The following BTD variants were observed in gnomAD, a reference collection of about 807,000 sequenced individuals.
BTD encodes the protein biotinidase.
BTD carries 13 observed loss-of-function variants against 17.7 expected under a neutral mutation model. The ratio of observed to expected loss-of-function variants is 0.74; its 90% CI spans 0.48 to 1.17. The LOEUF (loss-of-function observed/expected upper bound fraction) is 1.17, where lower values mean the gene tolerates loss of function less well. Among genes scored for constraint, BTD ranks in the 50% most tolerant of loss-of-function variants. BTD has a pLI of 0.00. For missense variants in BTD, 674 were observed against 650.4 expected, an observed-to-expected ratio of 1.04 and a Z score of -0.39; for synonymous variants, 240 against 245.2, an observed-to-expected ratio of 0.98 and a Z score of 0.20.
chr3:15,703,046 C>T (rs1249114888), intron 3 of BTD, among the ~76,000 whole-genome samples: 1 of 152,106 alleles, frequency 6.6e-6, no homozygotes, highest in African/African-American at 2.4e-5. Flanking sequence ...AAAGGCAGAG[C>T]TAGTATCAAA....
At position 15,639,303 on chromosome 3, in the gene BTD, T is replaced by C. The variant is rs1412140947; in HGVS notation, c.250-2605T>C. 2.0e-5 allele frequency among the ~76,000 whole-genome samples: 3 copies of C among 152,052 alleles called. No individual in the cohort carries two copies. The East Asian group carries it at 5.8e-4, about 29-fold the overall frequency. ...TCTCCATGAAAAACCAAAGTTTTGT[T>C]TTTAATAAAGAAAAATGTCTATCCA... On this transcript the variant is annotated intron_variant, in intron 2 of 3. Transcript: ENST00000643237.
exon 4 of BTD, among the ~76,000 whole-genome samples, chr3:15,710,202 G>A (rs2072052526): frequency 6.6e-6 from 1 of 152,070 alleles, no homozygotes. Context: ...CATGAGTCCT[G>A]TCAGCTTTCC....
At chr3:15,667,105 G>C (rs2066016236) in intron 3 of BTD, 2 of 152,102 alleles carry the variant, frequency 1.3e-5, no homozygotes, top group Admixed American at 1.3e-4. Flanking sequence ...CATATAGATA[G>C]GTTCATTTAA....
At chr3:15,663,150 G>A (rs896708587) in intron 3 of BTD, among the ~76,000 whole-genome samples, 2 of 151,942 alleles carry the variant, frequency 1.3e-5, no homozygotes, top group South Asian at 2.1e-4. Context: ...GGCATGCGCC[G>A]CCATGCCCGG....
rs143561363 is a variant in BTD, at chr3:15,647,915, C to T, written c.*2427C>T. On this transcript the variant is annotated 3_prime_UTR_variant, in exon 4 of 4. Coordinates refer to ENST00000643237, the MANE Select transcript of BTD (RefSeq NM_001370658.1). ...TCTTAGAGAGGAAAAAACCAGGCCT[C>T]CTCACAGACTGCCAAGTCCCAGAGC... 1.1e-3 allele frequency among the ~76,000 whole-genome samples: 167 copies of T among 152,288 alleles called. 2 individuals are homozygous for T. In the East Asian group the frequency reaches 0.029, roughly 27 times the overall value.
exon 4 of BTD, among the ~76,000 whole-genome samples, chr3:15,710,256 T>C (rs1047445085): frequency 2.0e-5 from 3 of 152,230 alleles, no homozygotes; most frequent in Non-Finnish European, 4.4e-5. Flanking sequence ...TATGTATCTT[T>C]AGTTAATACT....
intron 1 of BTD, among the ~76,000 whole-genome samples, chr3:15,622,904 A>G (rs1405069096): frequency 6.6e-6 from 1 of 152,200 alleles, no homozygotes; most frequent in Non-Finnish European, 1.5e-5. Context: ...GTCTGTTTTC[A>G]TGCTGTTAAT....
At chr3:15,602,705 A>G (rs1398274251) in intron 1 of BTD, among the ~76,000 whole-genome samples, 1 of 152,078 alleles carries the variant, frequency 6.6e-6, no homozygotes, top group Admixed American at 6.5e-5. Flanking sequence ...AAGTGAAACG[A>G]TTTCTAAACC....
At position 15,645,081 on chromosome 3, in the gene BTD, T is replaced by C. The variant is rs1463777463; in HGVS notation, c.1165T>C (p.Trp389Arg). The C allele has an allele frequency of 6.2e-7, 1 of 1,614,216 alleles. No individual in the cohort carries two copies. The highest frequency in any genetic ancestry group is 1.1e-5 in the South Asian group (1 of 91,082). ...TGACAATTTCACCCTGGTCCCTGTC[T>C]GGGGAAAGGAAGGCTATCTCCACGT... ...MYDNFTLVPV[W>R]GKEGYLHVCS... Residue 389 changes from tryptophan (W) to arginine (R), a missense_variant, in exon 4 of 4, where the codon TGG becomes CGG. Trp to Arg is a moderately radical substitution (Grantham distance 101). Coordinates refer to ENST00000643237, the MANE Select transcript of BTD (RefSeq NM_001370658.1).
At chr3:15,708,836 C>T (rs553377579) in intron 3 of BTD, among the ~76,000 whole-genome samples, 44 of 152,246 alleles carry the variant, frequency 2.9e-4, no homozygotes, top group African/African-American at 7.2e-4. Context: ...TTCTCTTCTG[C>T]ACTGGTTCTA....
intron 1 of BTD, among the ~76,000 whole-genome samples, chr3:15,623,153 A>G (rs960786760): frequency 3.3e-5 from 5 of 152,208 alleles, no homozygotes; most frequent in Admixed American, 1.3e-4. Flanking sequence ...CCATGATTCA[A>G]TTATCTCCAC....
rs2455854 is a variant in BTD at position 15,651,653 on chromosome 3, C to T, written c.*6165C>T. Among the ~76,000 whole-genome samples the T allele has an allele frequency of 0.83, 126,061 of 152,142 alleles. 52,370 individuals carry two copies. The highest frequency in any genetic ancestry group is 0.87 in the African/African-American group (36,012 of 41,516). Reference sequence around the variant, plus strand: ...CTCCGCTCCTGACTCCTGCTGCGGCCTCCCACTGGCTGGACCCAACAGGAA... The same window carrying T: ...CTCCGCTCCTGACTCCTGCTGCGGCTTCCCACTGGCTGGACCCAACAGGAA... On this transcript the variant is annotated 3_prime_UTR_variant, in exon 4 of 4. Coordinates refer to ENST00000643237, the MANE Select transcript of BTD (RefSeq NM_001370658.1).
chr3:15,645,025 C>G lies in BTD; in HGVS notation c.1109C>G (p.Ala370Gly). 1 of 1,614,194 alleles carries G rather than the reference C, an allele frequency of 6.2e-7. No homozygotes were observed. Reference sequence around the variant, plus strand: ...GAGGCCACCAAGTGGAACGTGAATGCTCCTCCCACATTTCACTCTGAGATG... The same window carrying G: ...GAGGCCACCAAGTGGAACGTGAATGGTCCTCCCACATTTCACTCTGAGATG... ...CDEATKWNVNAPPTFHSEMMY... is the reference protein window; with the variant it reads ...CDEATKWNVNGPPTFHSEMMY... The change falls in exon 4 of 4, where the codon GCT becomes GGT. Residue 370 changes from alanine (A) to glycine (G), a missense_variant. Coordinates refer to ENST00000643237, the MANE Select transcript of BTD (RefSeq NM_001370658.1).
At chr3:15,609,386 A>G (rs995820400) in intron 1 of BTD, among the ~76,000 whole-genome samples, 3 of 152,184 alleles carry the variant, frequency 2.0e-5, no homozygotes, top group African/African-American at 7.2e-5. Flanking sequence ...CATTCTTTAG[A>G]TGATCGATAT....
At chr3:15,700,935 A>G (rs905659365) in intron 3 of BTD, among the ~76,000 whole-genome samples, 5 of 152,212 alleles carry the variant, frequency 3.3e-5, no homozygotes, top group African/African-American at 7.2e-5. Flanking sequence ...TAAATAATCT[A>G]AAGTGTATTC....
rs146100504 is a variant in BTD, at chr3:15,650,755, G to A, written c.*5267G>A. ...ACGTGCCCATCCTGAATCAATGATC[G>A]GCCAGAGAGCTGTGATATTCTTTTG... On this transcript the variant is annotated 3_prime_UTR_variant, in exon 4 of 4. Transcript: ENST00000643237. Among the ~76,000 whole-genome samples the A allele has an allele frequency of 3.2e-3, 481 of 152,112 alleles. 1 individual carries two copies. Among genetic ancestry groups the A allele is most frequent in the African/African-American group, 0.011 (462 of 41,528 alleles).
exon 4 of BTD, among the ~76,000 whole-genome samples, chr3:15,711,564 C>A (rs570785111): frequency 8.5e-5 from 13 of 152,272 alleles, no homozygotes; most frequent in African/African-American, 3.1e-4. Flanking sequence ...TTTATAGGAA[C>A]TGTTCAGAAC....
intron 3 of BTD, among the ~76,000 whole-genome samples, chr3:15,642,436 C>A (rs1336178845): frequency 6.6e-5 from 10 of 151,114 alleles, no homozygotes; most frequent in Admixed American, 6.6e-4. Flanking sequence ...CTATGCATTT[C>A]ATAGTTATTG....
intron 3 of BTD, among the ~76,000 whole-genome samples, chr3:15,659,318 G>C (rs1413823870): frequency 6.6e-6 from 1 of 151,022 alleles, no homozygotes; most frequent in African/African-American, 2.5e-5. Flanking sequence ...GGGATAATAA[G>C]GCAGATCCAT....
Sources: gnomAD v4.1 joint callset for allele counts (sites outside exome capture counted in the v4.1 genomes callset) on GRCh38, gnomAD v4.1.1 for gene constraint, MANE v1.5 for transcripts, NCBI Gene and HGNC (gene_info 2026-07-23, HGNC 2026-07-21) for gene names.